Variants in TXLNB observed in about 807,000 individuals in gnomAD.
TXLNB encodes taxilin beta.
TXLNB carries 37 observed loss-of-function variants against 57.4 expected under a neutral mutation model. That is an observed-to-expected ratio of 0.64 (90% CI 0.50 to 0.85). TXLNB has a LOEUF of 0.85. TXLNB is among the 40% of genes least tolerant of loss of function. TXLNB has a pLI of 0.00. For missense variants in TXLNB, 848 were observed against 825.6 expected, an observed-to-expected ratio of 1.03 and a Z score of -0.33; for synonymous variants, 302 against 309.6, an observed-to-expected ratio of 0.98 and a Z score of 0.26.
the TXLNB span, among the ~76,000 whole-genome samples, chr6:139,213,983 T>C: frequency 6.6e-6 from 1 of 152,170 alleles, no homozygotes; most frequent in Non-Finnish European, 1.5e-5. Flanking sequence ...GAGGCAATAA[T>C]TAATAGCTTA....
At chr6:139,280,865 T>C (rs1777030036) in intron 2 of TXLNB, among the ~76,000 whole-genome samples, 1 of 152,156 alleles carries the variant, frequency 6.6e-6, no homozygotes. Context: ...TCTAATAGGA[T>C]ATGATTTCTA....
At chr6:139,230,839 A>G in the TXLNB span, among the ~76,000 whole-genome samples, 1 of 152,352 alleles carries the variant, frequency 6.6e-6, no homozygotes, top group East Asian at 1.9e-4. Flanking sequence ...CTGCAGCAAG[A>G]TGGGATCCTA....
At chr6:139,299,117 A>C in the TXLNB span, among the ~76,000 whole-genome samples, 1 of 152,212 alleles carries the variant, frequency 6.6e-6, no homozygotes, top group Non-Finnish European at 1.5e-5. Flanking sequence ...ATTGAAACAC[A>C]AACAGACTAA....
chr6:139,262,599 GATCGATGATGCTTTTCAGCTT>G lies in TXLNB; in HGVS notation c.841_861del (p.Lys281_Asp287del). 6.2e-7 allele frequency: 1 copy of G among 1,613,948 alleles called. No individual in the cohort carries two copies. The highest frequency in any genetic ancestry group is 1.1e-5 in the South Asian group (1 of 91,032). On this transcript the variant is annotated inframe_deletion, in exon 5 of 10. Transcript: ENST00000358430. Reference sequence around the variant, plus strand: ...CTCACCTCCTCTCTGAGCTCATACTGATCGATGATGCTTTTCAGCTTTTCTGCAAGCTCTGTGTTCTCCTGA... The same window carrying G: ...CTCACCTCCTCTCTGAGCTCATACTGTTCTGCAAGCTCTGTGTTCTCCTGA...
upstream of TXLNB, among the ~76,000 whole-genome samples, chr6:139,292,364 G>T (rs1464734693): frequency 6.6e-6 from 1 of 152,154 alleles, no homozygotes; most frequent in East Asian, 1.9e-4. The surrounding 1 kb of genome is among the most constrained non-coding windows in gnomAD (Gnocchi z 4.0). Flanking sequence ...TTTGGGTAGA[G>T]ATCAGTTTTT....
At chr6:139,296,323 A>G (rs1354210424), upstream of TXLNB, among the ~76,000 whole-genome samples, 1 of 152,174 alleles carries the variant, frequency 6.6e-6, no homozygotes. Context: ...GGTTGAAAAT[A>G]ATTTTTATTA....
chr6:139,188,944 C>T, the TXLNB span, among the ~76,000 whole-genome samples: 5 of 152,116 alleles, frequency 3.3e-5, no homozygotes, highest in East Asian at 3.9e-4. Context: ...TTAGTAGAGA[C>T]GGGGTTTCAC....
chr6:139,160,293 T>C, the TXLNB span, among the ~76,000 whole-genome samples: 3 of 152,208 alleles, frequency 2.0e-5, no homozygotes, highest in African/African-American at 7.2e-5. Context: ...CATTTTTCTG[T>C]TTTGCTTGTT....
At chr6:139,209,797 A>G in the TXLNB span, among the ~76,000 whole-genome samples, 15 of 152,352 alleles carry the variant, frequency 9.8e-5, no homozygotes, top group East Asian at 1.3e-3. Flanking sequence ...TCTTTTAGAC[A>G]TTGGCATAGA....
chr6:139,238,399 A>G (rs773752285), downstream of TXLNB, among the ~76,000 whole-genome samples: 6 of 152,216 alleles, frequency 3.9e-5, no homozygotes, highest in African/African-American at 7.2e-5. Flanking sequence ...GTCTCACAAA[A>G]AAGAAAAAAG....
At chr6:139,212,517 C>A in the TXLNB span, among the ~76,000 whole-genome samples, 7 of 152,270 alleles carry the variant, frequency 4.6e-5, no homozygotes, top group African/African-American at 1.7e-4. Flanking sequence ...CCAGCCACTG[C>A]AAAAACATGC....
the TXLNB span, chr6:139,197,896 T>A: frequency 1.3e-5 from 2 of 152,224 alleles, no homozygotes; most frequent in Non-Finnish European, 2.9e-5. Context: ...AGGACCAAGA[T>A]GTAAAAGTGG....
intron 2 of TXLNB, among the ~76,000 whole-genome samples, chr6:139,280,648 A>C (rs543763488): frequency 6.6e-6 from 1 of 151,616 alleles, no homozygotes; most frequent in South Asian, 2.1e-4. Context: ...ATCTCTCAAA[A>C]ACAAAAGTAT....
the TXLNB span, among the ~76,000 whole-genome samples, chr6:139,161,382 G>T: frequency 2.0e-5 from 3 of 152,098 alleles, no homozygotes. Context: ...AAGTTGGAGT[G>T]GGGGCTCTTC....
chr6:139,174,473 T>C, the TXLNB span: 1 of 1,613,680 alleles, frequency 6.2e-7, no homozygotes, highest in Admixed American at 1.7e-5. Context: ...CACGGTGGGA[T>C]GGCAGCTGGC....
At chr6:139,202,362 T>C in the TXLNB span, among the ~76,000 whole-genome samples, 2 of 152,232 alleles carry the variant, frequency 1.3e-5, no homozygotes, top group Non-Finnish European at 2.9e-5. Context: ...TTTTATATTT[T>C]ATTTTTATTT....
At position 139,254,431 on chromosome 6, in the gene TXLNB, G is replaced by T. The variant is rs2114480705; in HGVS notation, c.1077+1133C>A. Reference sequence around the variant, plus strand: ...AGCTTGGAAGGTTTCTGATTTCCTTGCCTTCGGTGAATTTCTCCCTGTGAC... The same window carrying T: ...AGCTTGGAAGGTTTCTGATTTCCTTTCCTTCGGTGAATTTCTCCCTGTGAC... On this transcript the variant is annotated intron_variant, in intron 7 of 9. Transcript: ENST00000358430. 2.6e-5 allele frequency among the ~76,000 whole-genome samples: 4 copies of T among 152,130 alleles called. 1 individual carries two copies. The Middle Eastern group carries it at 0.014, about 517-fold the overall frequency.
chr6:139,283,983 C>T (rs1360463521), intron 2 of TXLNB, among the ~76,000 whole-genome samples: 1 of 145,534 alleles, frequency 6.9e-6, no homozygotes, highest in Non-Finnish European at 1.5e-5. Context: ...ATATTTTCTC[C>T]AAAAGAGCAG....
chr6:139,316,427 A>G, the TXLNB span, among the ~76,000 whole-genome samples: 2 of 152,124 alleles, frequency 1.3e-5, no homozygotes, highest in South Asian at 4.1e-4. Context: ...TTTAGTCAGA[A>G]TTCCCTTACC....
Sources: allele counts gnomAD v4.1 joint callset (sites outside exome capture counted in the v4.1 genomes callset), GRCh38; gene constraint gnomAD v4.1.1; non-coding constraint Gnocchi (gnomAD v3.1); transcripts MANE v1.5; gene names NCBI Gene and HGNC (gene_info 2026-07-23, HGNC 2026-07-21).